The following GSE1 variants were observed in gnomAD, a reference collection of about 807,000 sequenced individuals.
GSE1 encodes Gse1 coiled-coil protein.
In GSE1, 32 loss-of-function variants were observed where a neutral mutation model predicts 112.6. The ratio of observed to expected loss-of-function variants is 0.28; its 90% CI spans 0.21 to 0.38. The LOEUF is 0.38. Ranked by LOEUF, GSE1 falls within the 10% of genes least tolerant of loss-of-function variation. The probability of loss-of-function intolerance (pLI) is 1.00; values close to 1 mark genes in which losing one functional copy is unlikely to be tolerated. For synonymous variants in GSE1, 1,115 were observed against 735.6 expected (o/e 1.52, Z -8.35); for missense variants, 2,348 against 1,699.2 (o/e 1.38, Z -6.71).
In GSE1 at chr16:85,390,702, GC is replaced by G. The variant is rs1157503694; in HGVS notation, c.2464+33067del. On this transcript the variant is annotated intron_variant, in intron 2 of 2. Transcript: ENST00000637419. ...CTTGTCCCCCCCACCGCCTTGTTCT[GC>G]CCCCCCCACCCCTCCCCGCCACCGC... is the stretch of plus-strand genomic sequence containing the variant. 7.1e-3 allele frequency among the ~76,000 whole-genome samples: 511 copies of G among 72,440 alleles called. 5 individuals are homozygous for G. Among genetic ancestry groups the G allele is most frequent in the African/African-American group, 0.026 (482 of 18,768 alleles). 47.5% of individuals were successfully genotyped at this position (72,440 alleles called of 152,430 possible).
intron 1 of GSE1, among the ~76,000 whole-genome samples, chr16:85,622,740 A>G (rs2048819407): frequency 6.6e-6 from 1 of 152,208 alleles, no homozygotes; most frequent in South Asian, 2.1e-4. Flanking sequence ...TGGGGTTGAC[A>G]CACGCCAGAA....
At chr16:85,376,226 C>T (rs1245304675) in intron 2 of GSE1, among the ~76,000 whole-genome samples, 1 of 152,148 alleles carries the variant, frequency 6.6e-6, no homozygotes, top group Admixed American at 6.5e-5. Flanking sequence ...CGCAGAGAGG[C>T]CCAGGAACCA....
intron 1 of GSE1, chr16:85,185,325 C>G (rs1399110189): frequency 6.6e-6 from 1 of 152,382 alleles, no homozygotes; most frequent in East Asian, 1.9e-4. Flanking sequence ...CAGGTTTTCT[C>G]TACTCCAACA....
intron 1 of GSE1, among the ~76,000 whole-genome samples, chr16:85,629,468 C>T (rs1394478270): frequency 6.6e-6 from 1 of 152,236 alleles, no homozygotes; most frequent in Non-Finnish European, 1.5e-5. Context: ...AGGGCATAGT[C>T]AGCCACCCAG....
chr16:85,381,482 G>C (rs2047544555), intron 2 of GSE1, among the ~76,000 whole-genome samples: 1 of 152,208 alleles, frequency 6.6e-6, no homozygotes, highest in Admixed American at 6.5e-5. Context: ...CCACAGAGGG[G>C]ATCTGATAGG....
intron 15 of GSE1, among the ~76,000 whole-genome samples, chr16:85,671,518 G>A (rs561926465): frequency 1.3e-5 from 2 of 151,872 alleles, no homozygotes; most frequent in African/African-American, 2.4e-5. Context: ...TTGGGAGGCT[G>A]AGGCAGGATC....
chr16:85,349,592 C>T (rs1004817975), intron 1 of GSE1, among the ~76,000 whole-genome samples: 2 of 152,048 alleles, frequency 1.3e-5, no homozygotes, highest in Non-Finnish European at 2.9e-5. Flanking sequence ...GTGCCCGCCG[C>T]CCTCCCTAGC....
chr16:85,238,001 G>T (rs1904840749), intron 1 of GSE1, among the ~76,000 whole-genome samples: 1 of 152,216 alleles, frequency 6.6e-6, no homozygotes, highest in South Asian at 2.1e-4. Flanking sequence ...ATGAATGAGT[G>T]AAGGGTTCTG....
intron 1 of GSE1, among the ~76,000 whole-genome samples, chr16:85,197,259 C>T (rs1456800772): frequency 6.6e-6 from 1 of 152,102 alleles, no homozygotes; most frequent in Non-Finnish European, 1.5e-5. Flanking sequence ...CCCCAGTGAG[C>T]CCCCTCCGTC....
At chr16:85,200,405 C>T (rs982363938) in intron 1 of GSE1, among the ~76,000 whole-genome samples, 8 of 143,550 alleles carry the variant, frequency 5.6e-5, no homozygotes, top group Admixed American at 5.5e-4. Context: ...TGCAAGTATC[C>T]TCCATCTCCT....
chr16:85,651,491 AG>A (rs1189595517), intron 3 of GSE1, among the ~76,000 whole-genome samples: 2 of 151,984 alleles, frequency 1.3e-5, no homozygotes, highest in African/African-American at 4.8e-5. Context: ...TCCTCGGCTG[AG>A]GGGAGAAGGG....
intron 1 of GSE1, among the ~76,000 whole-genome samples, chr16:85,623,282 A>C (rs1212306178): frequency 6.8e-6 from 1 of 147,840 alleles, no homozygotes; most frequent in South Asian, 2.1e-4. Flanking sequence ...TCGCGCAATC[A>C]CAACTCAAGG....
intron 1 of GSE1, among the ~76,000 whole-genome samples, chr16:85,237,476 C>G (rs1489868417): frequency 6.6e-6 from 1 of 152,030 alleles, no homozygotes; most frequent in Non-Finnish European, 1.5e-5. Context: ...GGAGGGAGTT[C>G]CGAGCTGGGG....
At chr16:85,526,148 C>T (rs1260038220) in intron 2 of GSE1, among the ~76,000 whole-genome samples, 2 of 152,248 alleles carry the variant, frequency 1.3e-5, no homozygotes, top group Non-Finnish European at 2.9e-5. Context: ...ACCAGCCGGA[C>T]ATCTCTGCAC....
chr16:85,180,733 A>T (rs1317458394), intron 1 of GSE1, among the ~76,000 whole-genome samples: 1 of 152,202 alleles, frequency 6.6e-6, no homozygotes, highest in African/African-American at 2.4e-5. Context: ...GCACTCTGCC[A>T]TGCTCATCAC....
chr16:85,480,434 C>G (rs2050636547), intron 2 of GSE1, among the ~76,000 whole-genome samples: 1 of 152,164 alleles, frequency 6.6e-6, no homozygotes, highest in Non-Finnish European at 1.5e-5. Context: ...TCCAGGGTCC[C>G]TGGTGAGCTC....
At chr16:85,642,706 G>T (rs1407727628) in intron 2 of GSE1, among the ~76,000 whole-genome samples, 1 of 152,252 alleles carries the variant, frequency 6.6e-6, no homozygotes, top group African/African-American at 2.4e-5. Flanking sequence ...TTACCGTTCT[G>T]TTCTCTCCAC....
chr16:85,639,201 C>T (rs1304245977), intron 2 of GSE1, among the ~76,000 whole-genome samples: 1 of 152,228 alleles, frequency 6.6e-6, no homozygotes, highest in Non-Finnish European at 1.5e-5. Flanking sequence ...GTCCCCGGGG[C>T]CGCCCAGCCC....
chr16:85,375,373 A>G (rs1192725487), intron 2 of GSE1, among the ~76,000 whole-genome samples: 3 of 152,148 alleles, frequency 2.0e-5, no homozygotes, highest in African/African-American at 7.2e-5. Flanking sequence ...GCAGGACCGC[A>G]GCCATGAGGG....
Sources: gnomAD v4.1 joint callset for allele counts (sites outside exome capture counted in the v4.1 genomes callset) on GRCh38, gnomAD v4.1.1 for gene constraint, MANE v1.5 for transcripts, NCBI Gene and HGNC (gene_info 2026-07-23, HGNC 2026-07-21) for gene names.